SAFB: variants seen among roughly 807,000 people sequenced by gnomAD.
The protein encoded by SAFB is scaffold attachment factor B1.
SAFB carries 15 observed loss-of-function variants against 101.6 expected under a neutral mutation model. That is an observed-to-expected ratio of 0.15 (90% CI 0.10 to 0.23). The LOEUF is 0.23. Among genes scored for constraint, SAFB ranks in the 10% least tolerant of loss-of-function variants. The probability of loss-of-function intolerance (pLI) is 1.00; values close to 1 mark genes in which losing one functional copy is unlikely to be tolerated. For synonymous variants in SAFB, 449 were observed against 407.5 expected (o/e 1.10, Z -1.23); for missense variants, 930 against 1,104.1 (o/e 0.84, Z 2.23).
In SAFB at chr19:5,667,507, A is replaced by AG; in HGVS notation, c.2557+59dup. ...GTGCTGGGGAGTGATGGAAAGATGGAGGCCGCGCCTTCTCTCCTTGGGGGA... is the reference window on the plus strand; with the variant it reads ...GTGCTGGGGAGTGATGGAAAGATGGAGGGCCGCGCCTTCTCTCCTTGGGGGA... On this transcript the variant is annotated intron_variant, in intron 19 of 20. Coordinates refer to ENST00000588852, the MANE Select transcript of SAFB (RefSeq NM_001201338.2). The surrounding 1 kb of genome is among the most constrained non-coding windows in gnomAD (Gnocchi z 4.0). 1 of 1,230,738 alleles carries AG rather than the reference A, an allele frequency of 8.1e-7. No individual in the cohort carries two copies. The highest frequency in any genetic ancestry group is 1.4e-5 in the South Asian group (1 of 71,944). The allele number at this position is 1,230,738 out of a possible 1,614,324, so 76.2% of individuals were successfully genotyped here.
chr19:5,623,349 G>A lies in SAFB; in HGVS notation c.144G>A (p.Val48=). The A allele has an allele frequency of 6.2e-7, 1 of 1,614,038 alleles. No homozygotes were observed. Among genetic ancestry groups the A allele is most frequent in the Non-Finnish European group, 8.5e-7 (1 of 1,179,908 alleles). The stretch of plus-strand genomic sequence containing the variant: ...GGGCGGAGCTGAGGAAACGGAATGT[G>A]GACTCGAGCGGCAACAAGAGCGTTT... ...DLRAELRKRN[V]DSSGNKSVLM... The change falls in exon 1 of 21, where the codon GTG becomes GTA. Residue 48 remains valine (V), a synonymous_variant. Transcript: ENST00000588852.
intron 4 of SAFB, among the ~76,000 whole-genome samples, chr19:5,643,192 G>A (rs1297028101): frequency 3.9e-5 from 6 of 152,136 alleles, no homozygotes; most frequent in Non-Finnish European, 8.8e-5. Context: ...GATGATTAAT[G>A]TTTGTCAGAC....
intron 2 of SAFB, among the ~76,000 whole-genome samples, chr19:5,627,620 C>T (rs2053395154): frequency 2.0e-5 from 3 of 152,298 alleles, no homozygotes; most frequent in Middle Eastern, 3.4e-3. Context: ...TTACCGAAAT[C>T]TCTCTTGCCC....
intron 12 of SAFB, 26 bp from the exon 13 acceptor site, chr19:5,654,342 T>C: frequency 6.2e-7 from 1 of 1,602,392 alleles, no homozygotes; most frequent in Non-Finnish European, 8.6e-7. Context: ...GGTTTTCCAC[T>C]TACACTTTCC....
At chr19:5,629,479 T>TA (rs1298999255) in intron 2 of SAFB, among the ~76,000 whole-genome samples, 5 of 152,128 alleles carry the variant, frequency 3.3e-5, no homozygotes, top group Non-Finnish European at 7.4e-5. Flanking sequence ...TTTTTTTCAT[T>TA]AAAAAAACCC....
chr19:5,652,031 A>G (rs546114381), intron 9 of SAFB, among the ~76,000 whole-genome samples: 2 of 152,246 alleles, frequency 1.3e-5, no homozygotes, highest in African/African-American at 2.4e-5. Flanking sequence ...TGTCTCTGCT[A>G]AAAGTACAGA....
intron 6 of SAFB, among the ~76,000 whole-genome samples, chr19:5,648,584 T>C (rs1188664593): frequency 6.6e-6 from 1 of 152,244 alleles, no homozygotes; most frequent in South Asian, 2.1e-4. Context: ...CTGGTTTTCA[T>C]GTTGGACTGT....
At chr19:5,645,494 A>G in intron 5 of SAFB, 95 bp downstream of exon 5, 1 of 650,570 alleles carries the variant, frequency 1.5e-6, no homozygotes, top group South Asian at 1.8e-5. Flanking sequence ...TCCAGCTAAT[A>G]ATCACCACAA....
intron 1 of SAFB, among the ~76,000 whole-genome samples, chr19:5,624,707 C>CT (rs1006755761): frequency 3.0e-5 from 2 of 66,864 alleles, no homozygotes; most frequent in Non-Finnish European, 6.5e-5. Context: ...TTTTTTTTTT[C>CT]CTGATGAGAA....
At chr19:5,660,731 C>T (rs918728903) in intron 14 of SAFB, among the ~76,000 whole-genome samples, 2 of 134,646 alleles carry the variant, frequency 1.5e-5, no homozygotes, top group African/African-American at 5.5e-5. Flanking sequence ...AAAAAAAAGA[C>T]AGCCTGGCTC....
intron 2 of SAFB, among the ~76,000 whole-genome samples, chr19:5,639,464 A>G (rs1422980842): frequency 1.3e-5 from 2 of 152,102 alleles, no homozygotes; most frequent in African/African-American, 2.4e-5. Context: ...AGGCTGAGGC[A>G]GGTGGATCAC....
At chr19:5,646,832 C>T (rs865799169) in intron 5 of SAFB, among the ~76,000 whole-genome samples, 1 of 152,194 alleles carries the variant, frequency 6.6e-6, no homozygotes, top group African/African-American at 2.4e-5. Flanking sequence ...TCCCCATGCT[C>T]GTGGGGCCTG....
intron 11 of SAFB, 131 bp from the exon 12 acceptor site, chr19:5,653,929 TG>T (rs2053996224): frequency 2.8e-6 from 2 of 706,856 alleles, no homozygotes; most frequent in African/African-American, 1.8e-5. Flanking sequence ...TTAGTAGAGA[TG>T]GGGTTTCACC....
chr19:5,659,116 TG>T (rs1174970106), intron 14 of SAFB, among the ~76,000 whole-genome samples: 1 of 150,856 alleles, frequency 6.6e-6, no homozygotes, highest in Non-Finnish European at 1.5e-5. Flanking sequence ...CACTCCAACC[TG>T]GGTGACAGAG....
intron 17 of SAFB, chr19:5,665,120 C>T (rs2054299075): frequency 6.6e-6 from 1 of 152,392 alleles, no homozygotes; most frequent in African/African-American, 2.4e-5. Context: ...TTTCTGGACT[C>T]CACCATAAGC....
At chr19:5,626,814 G>C (rs955902294) in intron 2 of SAFB, among the ~76,000 whole-genome samples, 3 of 152,188 alleles carry the variant, frequency 2.0e-5, no homozygotes. Context: ...TCGGGGCTGT[G>C]GTAGGAGGAT....
At chr19:5,652,411 G>T (rs899332837) in intron 9 of SAFB, among the ~76,000 whole-genome samples, 1 of 152,124 alleles carries the variant, frequency 6.6e-6, no homozygotes, top group Admixed American at 6.5e-5. Context: ...AGCGCAGCAG[G>T]CCTGATGTGG....
At chr19:5,661,255 C>G (rs1412566664) in intron 14 of SAFB, among the ~76,000 whole-genome samples, 1 of 152,148 alleles carries the variant, frequency 6.6e-6, no homozygotes, top group Non-Finnish European at 1.5e-5. Flanking sequence ...TTCCTGAAAT[C>G]ACTTGTCAAG....
At chr19:5,640,353 A>G (rs910489326) in intron 2 of SAFB, among the ~76,000 whole-genome samples, 8 of 129,940 alleles carry the variant, frequency 6.2e-5, no homozygotes, top group Non-Finnish European at 9.6e-5. Context: ...TTCAAGAAAG[A>G]TTGGCTTTTT....
Sources: allele counts gnomAD v4.1 joint callset (sites outside exome capture counted in the v4.1 genomes callset), GRCh38; gene constraint gnomAD v4.1.1; non-coding constraint Gnocchi (gnomAD v3.1); transcripts MANE v1.5; gene names NCBI Gene and HGNC (gene_info 2026-07-23, HGNC 2026-07-21).